MARCHF11: variants seen among roughly 807,000 people sequenced by gnomAD.
MARCHF11 encodes the protein E3 ubiquitin-protein ligase MARCHF11.
In MARCHF11, 29 loss-of-function variants were observed where a neutral mutation model predicts 37.3. The observed-to-expected ratio is 0.78, with a 90% CI of 0.58 to 1.06. MARCHF11 has a LOEUF of 1.06. Ranked by LOEUF, MARCHF11 falls within the 50% of genes least tolerant of loss-of-function variation. The probability of loss-of-function intolerance (pLI) is 0.00; values close to 1 mark genes in which losing one functional copy is unlikely to be tolerated. For synonymous variants in MARCHF11, 233 were observed against 228.0 expected (o/e 1.02, Z -0.20); for missense variants, 482 against 533.4 (o/e 0.90, Z 0.95).
chr5:16,130,537 G>A (rs1226959410), intron 2 of MARCHF11, among the ~76,000 whole-genome samples: 1 of 152,102 alleles, frequency 6.6e-6, no homozygotes, highest in Non-Finnish European at 1.5e-5. Flanking sequence ...AAATAGAGAG[G>A]ATAAACTGTT....
chr5:16,117,411 G>A (rs1253810746), intron 2 of MARCHF11, among the ~76,000 whole-genome samples: 1 of 152,164 alleles, frequency 6.6e-6, no homozygotes, highest in Admixed American at 6.5e-5. Flanking sequence ...TGATTCATTT[G>A]GGTAGACATG....
intron 2 of MARCHF11, among the ~76,000 whole-genome samples, chr5:16,144,541 C>G (rs780788564): frequency 1.1e-4 from 17 of 152,300 alleles, no homozygotes; most frequent in Non-Finnish European, 2.2e-4. Flanking sequence ...CCTCCCTCTT[C>G]ATCAGCTGGT....
At position 16,067,614 on chromosome 5, in the gene MARCHF11, A is replaced by G. The variant is rs1736371341; in HGVS notation, c.1066T>C (p.Leu356=). 1.9e-6 allele frequency: 3 copies of G among 1,613,934 alleles called. No homozygotes were observed. The East Asian group carries it at 6.7e-5, about 36-fold the overall frequency. The part of the protein sequence containing the change: ...LPLTALRNRN[L]VHPTQLTSPR... Reference sequence around the variant, plus strand: ...GAGGTTAACTGAGTTGGGTGGACCAAGTTTCTGTTCCGCAGAGCTGTCAAT... The same window carrying G: ...GAGGTTAACTGAGTTGGGTGGACCAGGTTTCTGTTCCGCAGAGCTGTCAAT... Residue 356 remains leucine (L), a synonymous_variant, in exon 4 of 4, where the codon TTG becomes CTG. Transcript: ENST00000332432.
At chr5:16,092,120 T>TAA (rs1736799123) in intron 2 of MARCHF11, among the ~76,000 whole-genome samples, 1 of 152,212 alleles carries the variant, frequency 6.6e-6, no homozygotes, top group South Asian at 2.1e-4. Context: ...AACCCTTTAC[T>TAA]TACCTTCAAT....
intron 2 of MARCHF11, among the ~76,000 whole-genome samples, chr5:16,123,670 C>G (rs1737350499): frequency 6.6e-6 from 1 of 152,096 alleles, no homozygotes; most frequent in African/African-American, 2.4e-5. Flanking sequence ...GGGCTCATTT[C>G]TATGACAAGC....
chr5:16,154,728 G>A (rs948196124), intron 2 of MARCHF11, among the ~76,000 whole-genome samples: 1 of 151,904 alleles, frequency 6.6e-6, no homozygotes, highest in African/African-American at 2.4e-5. Flanking sequence ...CAAATGGTCA[G>A]CAAACAGAAA....
At chr5:16,116,605 G>T (rs1342103042) in intron 2 of MARCHF11, among the ~76,000 whole-genome samples, 1 of 151,710 alleles carries the variant, frequency 6.6e-6, no homozygotes, top group African/African-American at 2.4e-5. Flanking sequence ...ATGCCATAGT[G>T]ACTTTAGAAA....
chr5:16,109,168 A>T (rs1737095301), intron 2 of MARCHF11, among the ~76,000 whole-genome samples: 1 of 151,716 alleles, frequency 6.6e-6, no homozygotes, highest in Admixed American at 6.6e-5. Flanking sequence ...ATGTCCTGGA[A>T]CACAGCTCCT....
chr5:16,147,237 C>A (rs1036881206), intron 2 of MARCHF11, among the ~76,000 whole-genome samples: 2 of 152,060 alleles, frequency 1.3e-5, no homozygotes, highest in Admixed American at 6.6e-5. Context: ...AACTATACAG[C>A]CCTTTATTTA....
intron 3 of MARCHF11, among the ~76,000 whole-genome samples, chr5:16,072,620 C>T (rs187552810): frequency 6.6e-6 from 1 of 151,892 alleles, no homozygotes; most frequent in Admixed American, 6.6e-5. Flanking sequence ...AGAGAGTCTT[C>T]AGCAGACACC....
At chr5:16,087,454 T>C (rs181811215) in intron 3 of MARCHF11, among the ~76,000 whole-genome samples, 172 of 152,346 alleles carry the variant, frequency 1.1e-3, no homozygotes, top group Middle Eastern at 6.8e-3. Flanking sequence ...CTTATACACT[T>C]ACCATTCCAC....
At chr5:16,178,502 A>G (rs889093087) in intron 1 of MARCHF11, among the ~76,000 whole-genome samples, 1 of 152,252 alleles carries the variant, frequency 6.6e-6, no homozygotes, top group Non-Finnish European at 1.5e-5. Flanking sequence ...CTGTCAAAAT[A>G]TAAATTGTTG....
chr5:16,138,066 A>G (rs1329041801), intron 2 of MARCHF11, among the ~76,000 whole-genome samples: 1 of 152,212 alleles, frequency 6.6e-6, no homozygotes, highest in Non-Finnish European at 1.5e-5. Context: ...GGAGCAATTC[A>G]AGCCAGCTGC....
chr5:16,078,671 C>T (rs189462454), intron 3 of MARCHF11, among the ~76,000 whole-genome samples: 75 of 152,312 alleles, frequency 4.9e-4, no homozygotes, highest in African/African-American at 1.7e-3. Flanking sequence ...GAAGTACAAT[C>T]TTCAGGTTTT....
chr5:16,161,134 C>T (rs1442140326), intron 2 of MARCHF11, among the ~76,000 whole-genome samples: 1 of 151,722 alleles, frequency 6.6e-6, no homozygotes, highest in African/African-American at 2.4e-5. Context: ...GTGCTGCACC[C>T]ATTAACGCTT....
At chr5:16,132,035 C>A (rs1737525233) in intron 2 of MARCHF11, among the ~76,000 whole-genome samples, 2 of 152,232 alleles carry the variant, frequency 1.3e-5, no homozygotes, top group African/African-American at 4.8e-5. Context: ...ACGGGGGATT[C>A]ATTTCATCCC....
Position 16,142,987 on chromosome 5 carries a change from G to A in MARCHF11, c.693+34739C>T, listed in dbSNP as rs564853950. Among the ~76,000 whole-genome samples the A allele has an allele frequency of 8.4e-5, 11 of 130,536 alleles. No homozygotes were observed. The South Asian group carries it at 1.1e-3, about 12-fold the overall frequency. 85.6% of individuals were successfully genotyped at this position (130,536 alleles called of 152,430 possible). On this transcript the variant is annotated intron_variant, in intron 2 of 3. Coordinates refer to ENST00000332432, the MANE Select transcript of MARCHF11 (RefSeq NM_001102562.3). ...ACTCCCGACCTCAGGTGAGCCACCC[G>A]CCTCAGCCTCCCAAAGTGTTGGGAT...
At chr5:16,103,150 A>G (rs1346080956) in intron 2 of MARCHF11, among the ~76,000 whole-genome samples, 1 of 151,826 alleles carries the variant, frequency 6.6e-6, no homozygotes, top group Non-Finnish European at 1.5e-5. Context: ...TCTAAAAATC[A>G]CAATACAGCT....
At chr5:16,118,281 G>GAACC (rs1456263281) in intron 2 of MARCHF11, among the ~76,000 whole-genome samples, 1 of 152,218 alleles carries the variant, frequency 6.6e-6, no homozygotes, top group African/African-American at 2.4e-5. Flanking sequence ...GCTAATCGGG[G>GAACC]AACCAATCAC....
Sources: allele counts gnomAD v4.1 joint callset (sites outside exome capture counted in the v4.1 genomes callset), GRCh38; gene constraint gnomAD v4.1.1; transcripts MANE v1.5; gene names NCBI Gene and HGNC (gene_info 2026-07-23, HGNC 2026-07-21).